THBS2: variants seen among roughly 807,000 people sequenced by gnomAD.
The protein encoded by THBS2 is thrombospondin 2.
In THBS2, 47 loss-of-function variants were observed where a neutral mutation model predicts 135.2. That is an observed-to-expected ratio of 0.35 (90% confidence interval 0.28 to 0.44). The LOEUF (loss-of-function observed/expected upper bound fraction) is 0.44. Ranked by LOEUF, THBS2 falls within the 20% of genes least tolerant of loss-of-function variation. The pLI, the probability that THBS2 is intolerant of heterozygous loss-of-function variation, is 1.00. For missense variants in THBS2, 1,288 were observed against 1,603.1 expected, an observed-to-expected ratio of 0.80 and a Z score of 3.36; for synonymous variants, 639 against 633.8, an observed-to-expected ratio of 1.01 and a Z score of -0.12.
At chr6:169,221,548 C>CT (rs1235459571) in intron 19 of THBS2, 21 bp from the exon 20 acceptor site, 8 of 1,612,238 alleles carry the variant, frequency 5.0e-6, no homozygotes, top group Non-Finnish European at 6.8e-6. Context: ...ACATAGCACT[C>CT]TTGAGTGCCA....
At chr6:169,229,360 C>T (rs1041118928) in intron 14 of THBS2, among the ~76,000 whole-genome samples, 16 of 152,152 alleles carry the variant, frequency 1.1e-4, no homozygotes, top group African/African-American at 2.2e-4. Context: ...AAAACATTTC[C>T]GGCAGCACAC....
At chr6:169,221,711 A>T (rs1022515699) in intron 19 of THBS2, among the ~76,000 whole-genome samples, 184 bp from the exon 20 acceptor site, 1 of 152,152 alleles carries the variant, frequency 6.6e-6, no homozygotes, top group African/African-American at 2.4e-5. Flanking sequence ...CCATGGACAG[A>T]GTGTGGCTCA....
intron 9 of THBS2, 84 bp downstream of exon 9, chr6:169,237,086 C>G (rs1780123467): frequency 1.3e-6 from 2 of 1,481,756 alleles, no homozygotes; most frequent in East Asian, 4.7e-5. Context: ...CCCTGACACC[C>G]CGGATCCCGG....
At chr6:169,232,596 G>A in intron 12 of THBS2, 68 bp downstream of exon 12, 1 of 1,533,270 alleles carries the variant, frequency 6.5e-7, no homozygotes, top group Non-Finnish European at 8.8e-7. Flanking sequence ...TCCTCCTGCT[G>A]CTTTTCTGAG....
At position 169,217,701 on chromosome 6, in the gene THBS2, G is replaced by GAGTT; in HGVS notation, c.*117_*120dup. ...GCTGGCAGGAGGTGAAGAACCATCAGAGTTAAGGTCAAGGGACAGGAGGTG... is the reference window on the plus strand; with the variant it reads ...GCTGGCAGGAGGTGAAGAACCATCAGAGTTAGTTAAGGTCAAGGGACAGGAGGTG... On this transcript the variant is annotated 3_prime_UTR_variant, in exon 22 of 22. Coordinates refer to ENST00000617924, the MANE Select transcript of THBS2 (RefSeq NM_003247.5). 1.8e-6 allele frequency: 2 copies of GAGTT among 1,135,426 alleles called. No homozygotes were observed. The highest frequency in any genetic ancestry group is 2.5e-6 in the Non-Finnish European group (2 of 798,262). 70.3% of individuals were successfully genotyped at this position (1,135,426 alleles called of 1,614,324 possible). A position where few individuals can be genotyped will look rare whatever the true frequency, so the allele number is the denominator to read the frequency against.
intron 4 of THBS2, among the ~76,000 whole-genome samples, chr6:169,245,611 T>C (rs1473131882): frequency 2.0e-5 from 3 of 152,058 alleles, no homozygotes; most frequent in Admixed American, 6.5e-5. Context: ...GCTAACACGC[T>C]GAAACCCCAT....
At chr6:169,236,044 C>T (rs1165804325) in intron 9 of THBS2, among the ~76,000 whole-genome samples, 6 of 125,254 alleles carry the variant, frequency 4.8e-5, no homozygotes, top group Admixed American at 3.1e-4. Flanking sequence ...ACTCCCTCCC[C>T]ATCCACACTC....
chr6:169,243,153 C>T (rs1583419143), intron 4 of THBS2, among the ~76,000 whole-genome samples: 1 of 150,870 alleles, frequency 6.6e-6, no homozygotes, highest in South Asian at 2.1e-4. Context: ...CACCTTCCCA[C>T]CTTCCCACAT....
intron 9 of THBS2, among the ~76,000 whole-genome samples, 155 bp from the exon 10 acceptor site, chr6:169,235,062 C>T (rs1047369893): frequency 1.1e-4 from 17 of 152,290 alleles, no homozygotes; most frequent in South Asian, 6.2e-4. Flanking sequence ...CAGGTCAGAG[C>T]GTGATCGCAC....
In THBS2 at chr6:169,226,208, T is replaced by G; in HGVS notation, c.2510A>C (p.Asn837Thr). 1 of 1,614,054 alleles carries G rather than the reference T, an allele frequency of 6.2e-7. No individual in the cohort carries two copies. Reference sequence around the variant, plus strand: ...GTCAGGGTTGTGCACCAGGGGGCAGTTGTCACAGTGATCCCCCACACCGTC... The same window carrying G: ...GTCAGGGTTGTGCACCAGGGGGCAGGTGTCACAGTGATCCCCCACACCGTC... Reference protein sequence around the residue: ...DGDGVGDHCDNCPLVHNPDQT... With the variant: ...DGDGVGDHCDTCPLVHNPDQT... The change falls in exon 16 of 22, where the codon AAC becomes ACC. Residue 837 changes from asparagine (N) to threonine (T), a missense_variant. Around this residue, in one of 2 missense-constraint regions of THBS2, gnomAD observed 874 missense variants for 1,156.1 expected, o/e 0.76. Transcript: ENST00000617924.
At chr6:169,218,376 A>ATGAG (rs1779266462) in intron 21 of THBS2, among the ~76,000 whole-genome samples, 1 of 89,884 alleles carries the variant, frequency 1.1e-5, no homozygotes. Flanking sequence ...TGGATGGATG[A>ATGAG]ATGAGATAGG....
rs147574702 is a variant in THBS2 at position 169,241,439 on chromosome 6, ATGTG to A, written c.891+319_891+322del. The stretch of plus-strand genomic sequence containing the variant: ...TGTATGTGTGTGTATGTGTGTGTGT[ATGTG>A]TGTGTGTGTGTGTACACTCATACCT... On this transcript the variant is annotated intron_variant, in intron 5 of 21. Coordinates refer to ENST00000617924, the MANE Select transcript of THBS2 (RefSeq NM_003247.5). This position sits in a 1 kb window ranked among gnomAD's most constrained non-coding sequence, Gnocchi z 5.5. 2.4e-5 allele frequency among the ~76,000 whole-genome samples: 3 copies of A among 124,418 alleles called. No homozygotes were observed. The highest frequency in any genetic ancestry group is 8.2e-5 in the Admixed American group (1 of 12,206). The allele number at this position is 124,418 out of a possible 152,430, so 81.6% of individuals were successfully genotyped here.
chr6:169,249,758 C>T (rs370900747), intron 2 of THBS2, among the ~76,000 whole-genome samples: 3 of 152,286 alleles, frequency 2.0e-5, no homozygotes, highest in African/African-American at 4.8e-5. Flanking sequence ...AAGCCAGGCG[C>T]GGTGGCTCAC....
At chr6:169,218,161 G>C (rs1393819553) in intron 21 of THBS2, among the ~76,000 whole-genome samples, 1 of 149,106 alleles carries the variant, frequency 6.7e-6, no homozygotes, top group Non-Finnish European at 1.5e-5. Flanking sequence ...TGGATGAAAT[G>C]AGTGGGTGGA....
At position 169,225,289 on chromosome 6, in the gene THBS2, G is replaced by A; in HGVS notation, c.2629C>T (p.Pro877Ser). 1 of 1,601,014 alleles carries A rather than the reference G, an allele frequency of 6.2e-7. No homozygotes were observed. The highest frequency in any genetic ancestry group is 8.5e-7 in the Non-Finnish European group (1 of 1,173,502). ...GCCTGGTTGGCGTTGGAGATGTAGG[G>A]GCAGTTGTCCTGGTTGTTCTGGTGG... ...DGHQNNQDNC[P>S]YISNANQADH... The change falls in exon 17 of 22, where the codon CCC (proline) becomes TCC (serine). Residue 877 changes from proline (P) to serine (S), a missense_variant. Coordinates refer to ENST00000617924, the MANE Select transcript of THBS2 (RefSeq NM_003247.5).
chr6:169,216,817 T>TAATA lies in THBS2; in HGVS notation c.*1001_*1004dup, dbSNP rs1416737908. The TAATA allele has an allele frequency of 2.6e-4, 39 of 152,370 alleles. No individual in the cohort carries two copies. Among genetic ancestry groups the TAATA allele is most frequent in the Admixed American group, 2.4e-3 (36 of 15,314 alleles). 9.4% of individuals were successfully genotyped at this position (152,370 alleles called of 1,614,324 possible). On this transcript the variant is annotated 3_prime_UTR_variant, in exon 22 of 22. Transcript: ENST00000617924. Reference sequence around the variant, plus strand: ...AATGGAGTTGCATTCTATAGTCACTTAATAAATATTAACAAAATATTTATA... The same window carrying TAATA: ...AATGGAGTTGCATTCTATAGTCACTTAATAAATAAATATTAACAAAATATTTATA...
chr6:169,229,453 C>T (rs1779753700), intron 14 of THBS2, 119 bp downstream of exon 14: 2 of 784,662 alleles, frequency 2.5e-6, no homozygotes, highest in Non-Finnish European at 4.2e-6. Flanking sequence ...TGCCTATGCA[C>T]AAACGCTTGC....
intron 10 of THBS2, 80 bp downstream of exon 10, chr6:169,234,654 T>C: frequency 7.5e-7 from 1 of 1,336,194 alleles, no homozygotes; most frequent in South Asian, 1.9e-5. Context: ...GTGTTTTTCA[T>C]CTAGTTTCCC....
chr6:169,234,074 T>A (rs1779947558), intron 10 of THBS2, among the ~76,000 whole-genome samples: 1 of 150,672 alleles, frequency 6.6e-6, no homozygotes, highest in Admixed American at 6.6e-5. Context: ...TGCACCATGT[T>A]CCACACCGCA....
Sources: gnomAD v4.1 joint callset for allele counts (sites outside exome capture counted in the v4.1 genomes callset) on GRCh38, gnomAD v4.1.1 for gene constraint, gnomAD v4.1.1 regional missense constraint, Gnocchi (gnomAD v3.1) non-coding constraint, MANE v1.5 for transcripts, NCBI Gene and HGNC (gene_info 2026-07-23, HGNC 2026-07-21) for gene names.